GCG: variants seen among roughly 807,000 people sequenced by gnomAD.
GCG encodes the protein pro-glucagon.
In GCG, 11 loss-of-function variants were observed where a neutral mutation model predicts 22.8. The ratio of observed to expected loss-of-function variants is 0.48; its 90% CI spans 0.30 to 0.80. GCG has a LOEUF of 0.80. Ranked by LOEUF, GCG falls within the 30% of genes least tolerant of loss-of-function variation. The pLI, the probability that GCG is intolerant of heterozygous loss-of-function variation, is 0.06. For missense variants in GCG, 222 were observed against 222.0 expected (o/e 1.00, Z 0.00); for synonymous variants, 89 against 72.4 (o/e 1.23, Z -1.16).
chr2:162,151,341 G>T lies in GCG; in HGVS notation c.-10+817C>A, dbSNP rs191700981. Among the ~76,000 whole-genome samples, 592 of 152,154 alleles carry T rather than the reference G, an allele frequency of 3.9e-3. 6 individuals carry two copies. The highest frequency in any genetic ancestry group is 0.013 in the African/African-American group (552 of 41,526). On this transcript the variant is annotated intron_variant, in intron 1 of 5. Transcript: ENST00000418842. Reference sequence around the variant, plus strand: ...TTTCAAACTGGTTAGCTCATTTTATGTAATAGGTCTTCAGTATGTATGGAA... The same window carrying T: ...TTTCAAACTGGTTAGCTCATTTTATTTAATAGGTCTTCAGTATGTATGGAA...
chr2:162,147,559 G>A, intron 2 of GCG, 45 bp from the exon 3 acceptor site: 2 of 1,568,772 alleles, frequency 1.3e-6, no homozygotes, highest in East Asian at 2.2e-5. Flanking sequence ...CTCCTCAAGA[G>A]TAGACTCACT....
chr2:162,144,408 T>A lies in GCG; in HGVS notation c.393-238A>T, dbSNP rs1287991264. On this transcript the variant is annotated intron_variant, in intron 4 of 5. Transcript: ENST00000418842. ...CTGCATAATTTCATGCCCTTTTCAA[T>A]CTTCTAGGCTGTTTTGAAGATTTTA... The A allele has an allele frequency of 1.9e-5, 9 of 472,192 alleles. 1 individual carries two copies. The highest frequency in any genetic ancestry group is 1.4e-4 in the Admixed American group (4 of 27,750). The allele number at this position is 472,192 out of a possible 1,614,324, so 29.3% of individuals were successfully genotyped here.
At chr2:162,145,815 G>T (rs1686669640) in intron 3 of GCG, 138 bp from the exon 4 acceptor site, 4 of 620,362 alleles carry the variant, frequency 6.4e-6, no homozygotes, top group Admixed American at 5.6e-5. Context: ...GTTGCTAGGG[G>T]ATTTGTCGTG....
chr2:162,143,935 T>G (rs371084684), intron 5 of GCG, 92 bp downstream of exon 5: 5 of 1,004,848 alleles, frequency 5.0e-6, no homozygotes, highest in Admixed American at 1.9e-5. Context: ...GATTATAGAC[T>G]TTCCCCCTAC....
At chr2:162,147,604 A>G in intron 2 of GCG, 90 bp from the exon 3 acceptor site, 1 of 1,113,214 alleles carries the variant, frequency 9.0e-7, no homozygotes, top group Non-Finnish European at 1.4e-6. Context: ...ACAAGACCAT[A>G]TAAAACAGTA....
At chr2:162,145,772 G>A in intron 3 of GCG, 95 bp from the exon 4 acceptor site, 1 of 986,008 alleles carries the variant, frequency 1.0e-6, no homozygotes, top group Non-Finnish European at 1.5e-6. Flanking sequence ...AGGATTCTAT[G>A]TAGAAGGGGC....
At chr2:162,146,299 T>C (rs1303770149) in intron 3 of GCG, among the ~76,000 whole-genome samples, 1 of 152,156 alleles carries the variant, frequency 6.6e-6, no homozygotes, top group East Asian at 1.9e-4. Context: ...GCAACACTGC[T>C]TGAGTGTGAG....
intron 3 of GCG, among the ~76,000 whole-genome samples, chr2:162,146,314 G>A (rs1686683304): frequency 1.3e-5 from 2 of 152,086 alleles, no homozygotes; most frequent in Non-Finnish European, 2.9e-5. Context: ...TGTGAGGATT[G>A]CTTTACATCC....
At chr2:162,147,327 G>A in intron 3 of GCG, 26 bp downstream of exon 3, 1 of 1,581,726 alleles carries the variant, frequency 6.3e-7, no homozygotes, top group South Asian at 1.1e-5. Flanking sequence ...TTATAAGCAA[G>A]TTTTGAGCCA....
chr2:162,150,852 T>C lies in GCG; in HGVS notation c.-10+1306A>G, dbSNP rs566624286. Among the ~76,000 whole-genome samples, 14 of 152,238 alleles carry C rather than the reference T, an allele frequency of 9.2e-5. No homozygotes were observed. The East Asian group carries it at 1.9e-3, about 21-fold the overall frequency. On this transcript the variant is annotated intron_variant, in intron 1 of 5. Transcript: ENST00000418842. ...GGAGGATTTAGAGCAGGAGGTATCC[T>C]GCCACTTCAGGAGCTGATGGAAGAA...
intron 3 of GCG, among the ~76,000 whole-genome samples, chr2:162,146,933 T>C (rs1453437515): frequency 6.6e-6 from 1 of 152,190 alleles, no homozygotes; most frequent in Non-Finnish European, 1.5e-5. Flanking sequence ...ATGCATCTGT[T>C]TCCATTCCTT....
intron 4 of GCG, chr2:162,144,459 G>T: frequency 3.3e-6 from 1 of 305,444 alleles, no homozygotes; most frequent in East Asian, 6.1e-5. Flanking sequence ...AGAAACTATT[G>T]TTGAGATTAT....
At chr2:162,150,432 C>T (rs1686804429) in intron 1 of GCG, among the ~76,000 whole-genome samples, 1 of 151,970 alleles carries the variant, frequency 6.6e-6, no homozygotes, top group African/African-American at 2.4e-5. Context: ...ACTGTAATAC[C>T]TGCAGCAGTA....
chr2:162,147,050 C>A (rs1346337176), intron 3 of GCG, among the ~76,000 whole-genome samples: 1 of 151,988 alleles, frequency 6.6e-6, no homozygotes, highest in Non-Finnish European at 1.5e-5. Flanking sequence ...CGTAGGTCCA[C>A]AAAAGTAAAC....
intron 5 of GCG, among the ~76,000 whole-genome samples, 186 bp from the exon 6 acceptor site, chr2:162,143,556 C>T (rs563134931): frequency 1.3e-5 from 2 of 152,168 alleles, no homozygotes; most frequent in South Asian, 4.1e-4. Flanking sequence ...CTAAAGTCTG[C>T]TCATCAATGC....
At chr2:162,149,859 C>T (rs1216880883) in intron 1 of GCG, among the ~76,000 whole-genome samples, 1 of 152,026 alleles carries the variant, frequency 6.6e-6, no homozygotes, top group Non-Finnish European at 1.5e-5. Context: ...AGAACTAATG[C>T]TTCTGGCAAC....
chr2:162,144,260 T>A, intron 4 of GCG, 90 bp from the exon 5 acceptor site: 1 of 1,022,100 alleles, frequency 9.8e-7, no homozygotes, highest in Non-Finnish European at 1.5e-6. Flanking sequence ...TGCACAAGTG[T>A]CTTGAGGAAA....
rs1228694046 is a variant in GCG, at chr2:162,144,126, T to A, written c.437A>T (p.His146Leu). ...VAIVEELGRR[H>L]ADGSFSDEMN... ...CTCATCAGAGAAAGAACCATCAGCA[T>A]GTCTGCGGCCAAGTTCTTCAACAAT... Residue 146 changes from histidine (H) to leucine (L), a missense_variant, in exon 5 of 6, where the codon CAT becomes CTT. Physicochemically the swap from His to Leu is moderately conservative, Grantham distance 99. Transcript: ENST00000418842. 6.2e-7 allele frequency: 1 copy of A among 1,611,978 alleles called. No individual in the cohort carries two copies. Among genetic ancestry groups the A allele is most frequent in the Admixed American group, 1.7e-5 (1 of 59,942 alleles).
intron 3 of GCG, among the ~76,000 whole-genome samples, chr2:162,146,827 G>C (rs547338710): frequency 6.6e-6 from 1 of 151,996 alleles, no homozygotes; most frequent in South Asian, 2.1e-4. Context: ...CCTTACGATA[G>C]GCTTGTGTTC....
Sources: gnomAD v4.1 joint callset for allele counts (sites outside exome capture counted in the v4.1 genomes callset) on GRCh38, gnomAD v4.1.1 for gene constraint, MANE v1.5 for transcripts, NCBI Gene and HGNC (gene_info 2026-07-23, HGNC 2026-07-21) for gene names.